Variants in XKR9 observed in about 807,000 individuals in gnomAD.
XKR9 encodes XK related 9.
Under a neutral mutation model 32.0 loss-of-function variants are expected in XKR9, and 32 were observed. The observed-to-expected ratio is 1.00, with a 90% CI of 0.76 to 1.34. The LOEUF (loss-of-function observed/expected upper bound fraction) is 1.34, where lower values mean the gene tolerates loss of function less well. XKR9 is among the 40% of genes most tolerant of loss of function. XKR9 has a pLI of 0.00. For synonymous variants in XKR9, 168 were observed against 143.4 expected (o/e 1.17, Z -1.22); for missense variants, 546 against 429.7 (o/e 1.27, Z -2.39).
At position 70,747,126 on chromosome 8, in the gene XKR9, A is replaced by G. The variant is rs531254228; in HGVS notation, n.352+39973A>G. On this transcript the variant is annotated intron_variant and non_coding_transcript_variant, in intron 2 of 3. Coordinates refer to the XKR9 transcript ENST00000520273. Reference sequence around the variant, plus strand: ...ATGGCTGTGTAGTATTCTGTGGTGTATATTTACCACATTTTCTTTATTCAG... The same window carrying G: ...ATGGCTGTGTAGTATTCTGTGGTGTGTATTTACCACATTTTCTTTATTCAG... 2.0e-5 allele frequency among the ~76,000 whole-genome samples: 3 copies of G among 152,224 alleles called. No homozygotes were observed. In the East Asian group the frequency reaches 5.8e-4, roughly 29 times the overall value.
At chr8:70,755,396 A>G (rs1188319024) in intron 2 of XKR9, among the ~76,000 whole-genome samples, 1 of 152,216 alleles carries the variant, frequency 6.6e-6, no homozygotes, top group African/African-American at 2.4e-5. Flanking sequence ...TGACCCAGCC[A>G]CCTCATTACT....
the XKR9 span, among the ~76,000 whole-genome samples, chr8:71,021,837 G>A: frequency 6.6e-6 from 1 of 152,296 alleles, no homozygotes; most frequent in South Asian, 2.1e-4. Flanking sequence ...AAGCTCTTCA[G>A]TTTAATTCTG....
intron 2 of XKR9, among the ~76,000 whole-genome samples, chr8:70,676,158 C>T (rs1342962144): frequency 6.6e-6 from 1 of 152,098 alleles, no homozygotes; most frequent in Non-Finnish European, 1.5e-5. Flanking sequence ...ACGTGTCTCA[C>T]GTGGAGAGAG....
intron 3 of XKR9, among the ~76,000 whole-genome samples, chr8:70,685,761 C>A: frequency 1.4e-5 from 2 of 141,904 alleles, no homozygotes; most frequent in Admixed American, 7.1e-5. Context: ...GGAGGGATAG[C>A]ATTAGGAGAT....
the XKR9 span, among the ~76,000 whole-genome samples, chr8:70,998,150 C>A: frequency 2.0e-5 from 3 of 152,330 alleles, no homozygotes; most frequent in East Asian, 5.8e-4. Context: ...TTCAAAAGAG[C>A]CATTTTTCTC....
At chr8:70,770,828 G>T (rs1307998394) in intron 2 of XKR9, among the ~76,000 whole-genome samples, 1 of 152,206 alleles carries the variant, frequency 6.6e-6, no homozygotes, top group East Asian at 1.9e-4. Context: ...TTTCCAGCCT[G>T]TGATCTTAAC....
At chr8:70,809,601 G>A in the XKR9 span, among the ~76,000 whole-genome samples, 7 of 152,308 alleles carry the variant, frequency 4.6e-5, no homozygotes, top group Middle Eastern at 0.014. Flanking sequence ...GTCCTTAAAG[G>A]ACCTGATGGA....
chr8:70,843,697 C>T, the XKR9 span, among the ~76,000 whole-genome samples: 30 of 152,252 alleles, frequency 2.0e-4, no homozygotes, highest in African/African-American at 5.3e-4. Context: ...CACATTTCCA[C>T]TGTGGACTCT....
the XKR9 span, among the ~76,000 whole-genome samples, chr8:71,027,158 T>C: frequency 6.6e-6 from 1 of 151,922 alleles, no homozygotes; most frequent in Non-Finnish European, 1.5e-5. Flanking sequence ...AGCATTTTTT[T>C]CAGCTGTTGG....
At position 70,681,089 on chromosome 8, in the gene XKR9, T is replaced by G; in HGVS notation, c.31T>G (p.Ser11Ala). ...ATATACTAAACAGAATTTTATGATGTCAGTTCTTGGCATTATAATCTACGT... is the reference window on the plus strand; with the variant it reads ...ATATACTAAACAGAATTTTATGATGGCAGTTCTTGGCATTATAATCTACGT... The part of the protein sequence containing the change: MKYTKQNFMM[S>A]VLGIIIYVTD... The change falls in exon 3 of 5, where the codon TCA (serine) becomes GCA (alanine). Residue 11 changes from serine to alanine, a missense_variant. Coordinates refer to ENST00000408926, the MANE Select transcript of XKR9 (RefSeq NM_001011720.2). 1 of 1,612,852 alleles carries G rather than the reference T, an allele frequency of 6.2e-7. No individual in the cohort carries two copies. Among genetic ancestry groups the G allele is most frequent in the Non-Finnish European group, 8.5e-7 (1 of 1,179,250 alleles).
At chr8:70,997,179 C>G in the XKR9 span, among the ~76,000 whole-genome samples, 1 of 152,030 alleles carries the variant, frequency 6.6e-6, no homozygotes, top group Non-Finnish European at 1.5e-5. Context: ...CACCTGTAAT[C>G]CCAGCTACTC....
At chr8:70,709,340 A>G (rs1238961111) in intron 4 of XKR9, among the ~76,000 whole-genome samples, 3 of 152,182 alleles carry the variant, frequency 2.0e-5, no homozygotes, top group Non-Finnish European at 2.9e-5. Flanking sequence ...CACAGTCAAC[A>G]TCATACTGAG....
chr8:70,886,547 A>C, the XKR9 span, among the ~76,000 whole-genome samples: 1 of 152,216 alleles, frequency 6.6e-6, no homozygotes, highest in African/African-American at 2.4e-5. Flanking sequence ...CCTTGCCAGC[A>C]TCTGTAGTTT....
chr8:70,761,909 T>C (rs1807314469), intron 2 of XKR9, among the ~76,000 whole-genome samples: 1 of 152,040 alleles, frequency 6.6e-6, no homozygotes, highest in Non-Finnish European at 1.5e-5. Flanking sequence ...AATTTTTTTT[T>C]GCATATGGCT....
At chr8:70,909,703 CTTTTTTTTTTTT>C in the XKR9 span, among the ~76,000 whole-genome samples, 3 of 91,168 alleles carry the variant, frequency 3.3e-5, no homozygotes, top group African/African-American at 1.2e-4. Flanking sequence ...TCGATTTATC[CTTTTTTTTTTTT>C]TTTTTTTTTT....
chr8:70,779,864 C>G (rs549892676), intron 2 of XKR9, among the ~76,000 whole-genome samples: 1 of 152,190 alleles, frequency 6.6e-6, no homozygotes, highest in East Asian at 1.9e-4. Flanking sequence ...ATTAGTCTTG[C>G]TAGCAGTGTA....
the XKR9 span, among the ~76,000 whole-genome samples, chr8:70,855,794 C>G: frequency 1.3e-5 from 2 of 152,370 alleles, no homozygotes; most frequent in South Asian, 4.1e-4. Flanking sequence ...AGAAACTCTA[C>G]AAGCCAGAAG....
In XKR9 at chr8:70,706,982, A is replaced by G. The variant is rs141255017; in HGVS notation, c.322A>G (p.Ser108Gly). 5 of 1,613,266 alleles carry G rather than the reference A, an allele frequency of 3.1e-6. No homozygotes were observed. In the African/African-American group the frequency reaches 6.7e-5, roughly 22 times the overall value. Residue 108 changes from serine (S) to glycine (G), a missense_variant, in exon 4 of 5, where the codon AGC (serine) becomes GGC (glycine). Transcript: ENST00000408926. ...RGYHAAFKYD[S>G]NTSNFVEEQI... ...TTACCATGCAGCTTTTAAATATGACAGCAATACTAGTAACTTCGTGGAAGA... is the reference window on the plus strand; with the variant it reads ...TTACCATGCAGCTTTTAAATATGACGGCAATACTAGTAACTTCGTGGAAGA...
chr8:70,958,363 G>GT, the XKR9 span, among the ~76,000 whole-genome samples: 20 of 151,832 alleles, frequency 1.3e-4, no homozygotes, highest in Non-Finnish European at 2.1e-4. Context: ...ACCAGCATCT[G>GT]TTGTTTTTTG....
Sources: allele counts gnomAD v4.1 joint callset (sites outside exome capture counted in the v4.1 genomes callset), GRCh38; gene constraint gnomAD v4.1.1; transcripts MANE v1.5; gene names NCBI Gene and HGNC (gene_info 2026-07-23, HGNC 2026-07-21).